Variants in TENM4 observed in about 807,000 individuals in gnomAD.
The protein encoded by TENM4 is teneurin transmembrane protein 4, also known as teneurin-4.
TENM4 carries 82 observed loss-of-function variants against 243.3 expected under a neutral mutation model. That is an observed-to-expected ratio of 0.34 (90% CI 0.28 to 0.40). The LOEUF (loss-of-function observed/expected upper bound fraction) is 0.40, where lower values mean the gene tolerates loss of function less well. Ranked by LOEUF, TENM4 falls within the 10% of genes least tolerant of loss-of-function variation. TENM4 has a pLI of 1.00. For synonymous variants in TENM4, 1,412 were observed against 1,456.3 expected (o/e 0.97, Z 0.69); for missense variants, 3,138 against 3,673.3 (o/e 0.85, Z 3.77).
chr11:79,243,643 G>C (rs1416093101), intron 2 of TENM4, among the ~76,000 whole-genome samples: 1 of 152,226 alleles, frequency 6.6e-6, no homozygotes, highest in Admixed American at 6.5e-5. Context: ...GGGGCAGAAG[G>C]TCACCCGCTC....
chr11:79,277,076 A>G (rs1319876199), intron 2 of TENM4, among the ~76,000 whole-genome samples: 2 of 152,132 alleles, frequency 1.3e-5, no homozygotes, highest in East Asian at 1.9e-4. Flanking sequence ...TTCTGCTTAC[A>G]GTAAGGAGTG....
chr11:78,913,905 C>G (rs1340700659), intron 6 of TENM4, among the ~76,000 whole-genome samples: 1 of 151,910 alleles, frequency 6.6e-6, no homozygotes, highest in Non-Finnish European at 1.5e-5. Context: ...AAACTGTGTC[C>G]CTGAGGGAGT....
At chr11:78,971,360 T>C (rs750254798) in intron 6 of TENM4, among the ~76,000 whole-genome samples, 1 of 152,158 alleles carries the variant, frequency 6.6e-6, no homozygotes, top group African/African-American at 2.4e-5. Flanking sequence ...TGGAGTGCAG[T>C]GGCGCAATCT....
At chr11:79,063,756 C>A (rs560161870) in intron 6 of TENM4, among the ~76,000 whole-genome samples, 5 of 152,302 alleles carry the variant, frequency 3.3e-5, no homozygotes, top group Non-Finnish European at 5.9e-5. Context: ...AACTGGGCCC[C>A]CTTTCCTCCA....
At chr11:79,045,631 C>T (rs932296015) in intron 6 of TENM4, among the ~76,000 whole-genome samples, 1 of 152,140 alleles carries the variant, frequency 6.6e-6, no homozygotes, top group Non-Finnish European at 1.5e-5. Flanking sequence ...GGCAGGCAGC[C>T]ACGGACAGTT....
intron 2 of TENM4, among the ~76,000 whole-genome samples, chr11:79,295,228 C>G (rs990003383): frequency 1.3e-5 from 2 of 152,184 alleles, no homozygotes; most frequent in African/African-American, 4.8e-5. Flanking sequence ...TTCTTCCTGT[C>G]ACTGAGCACC....
chr11:79,032,581 G>C (rs1859272800), intron 6 of TENM4, among the ~76,000 whole-genome samples: 1 of 152,184 alleles, frequency 6.6e-6, no homozygotes, highest in South Asian at 2.1e-4. Flanking sequence ...CAAATGTCCA[G>C]GTAATCAGGC....
chr11:79,378,513 T>C (rs974160525), intron 1 of TENM4, among the ~76,000 whole-genome samples: 5 of 152,154 alleles, frequency 3.3e-5, no homozygotes, highest in African/African-American at 1.2e-4. Flanking sequence ...GACTGTCACC[T>C]GGGGGCATGC....
intron 1 of TENM4, among the ~76,000 whole-genome samples, chr11:79,379,316 A>C (rs565782336): frequency 5.1e-4 from 77 of 152,304 alleles, no homozygotes; most frequent in Middle Eastern, 6.8e-3. Context: ...TTTTATTTTA[A>C]TTGTGATGCT....
intron 4 of TENM4, among the ~76,000 whole-genome samples, chr11:79,083,987 A>C (rs1213957278): frequency 6.6e-6 from 1 of 152,210 alleles, no homozygotes; most frequent in Admixed American, 6.5e-5. Flanking sequence ...GTGTGTATAC[A>C]CATATATATA....
intron 4 of TENM4, among the ~76,000 whole-genome samples, chr11:79,122,562 G>T (rs1281398541): frequency 6.6e-6 from 1 of 152,150 alleles, no homozygotes; most frequent in Non-Finnish European, 1.5e-5. Context: ...AGCATCTCTA[G>T]GCCTTGGTGA....
chr11:78,933,679 T>C (rs868137087), intron 6 of TENM4, among the ~76,000 whole-genome samples: 2 of 152,152 alleles, frequency 1.3e-5, no homozygotes, highest in East Asian at 1.9e-4. Flanking sequence ...AGGTTCACTC[T>C]GGGGAGGCAG....
intron 1 of TENM4, among the ~76,000 whole-genome samples, chr11:79,434,264 G>A (rs1405350832): frequency 2.6e-5 from 4 of 152,208 alleles, no homozygotes; most frequent in South Asian, 4.1e-4. Flanking sequence ...GGGAGACTCC[G>A]TGGGGTTGAT....
chr11:78,926,117 C>G (rs988080398), intron 6 of TENM4, among the ~76,000 whole-genome samples: 1 of 152,036 alleles, frequency 6.6e-6, no homozygotes, highest in Non-Finnish European at 1.5e-5. Flanking sequence ...ACAAAGTCAA[C>G]AGATAATGTA....
Position 79,262,614 on chromosome 11 carries a change from C to G in TENM4, c.-265+34874G>C, listed in dbSNP as rs188137913. 7.8e-4 allele frequency among the ~76,000 whole-genome samples: 119 copies of G among 152,302 alleles called. No individual in the cohort carries two copies. In the East Asian group the frequency reaches 0.011, roughly 15 times the overall value. On this transcript the variant is annotated intron_variant, in intron 2 of 33. Transcript: ENST00000278550. ...AAGAGATGCTTCAGAAATGAGACCT[C>G]AAGATGTAACTCTGAAAACAATTTA...
intron 18 of TENM4, among the ~76,000 whole-genome samples, chr11:78,768,028 C>G (rs1856572296): frequency 1.3e-5 from 2 of 152,324 alleles, no homozygotes; most frequent in African/African-American, 4.8e-5. Context: ...TCTTGTGCTC[C>G]TTTCTTCCTC....
chr11:79,223,033 G>C (rs1240725874), intron 2 of TENM4, among the ~76,000 whole-genome samples: 6 of 152,020 alleles, frequency 3.9e-5, no homozygotes, highest in Non-Finnish European at 1.5e-5. Flanking sequence ...ATGCATGTGG[G>C]GATTAATAAC....
intron 12 of TENM4, among the ~76,000 whole-genome samples, chr11:78,838,389 CAT>C (rs56749255): frequency 0.044 from 6,700 of 152,214 alleles, 449 homozygotes; most frequent in African/African-American, 0.15. Context: ...TTTTATAAGA[CAT>C]GTGGAAATTT....
chr11:78,726,906 C>T (rs145052870), intron 22 of TENM4, among the ~76,000 whole-genome samples: 5 of 152,256 alleles, frequency 3.3e-5, no homozygotes, highest in South Asian at 4.1e-4. Context: ...TATAACAACA[C>T]GAGAACGGAC....
Sources: gnomAD v4.1 joint callset for allele counts (sites outside exome capture counted in the v4.1 genomes callset) on GRCh38, gnomAD v4.1.1 for gene constraint, MANE v1.5 for transcripts, NCBI Gene and HGNC (gene_info 2026-07-23, HGNC 2026-07-21) for gene names.